SMG5: variants seen among roughly 807,000 people sequenced by gnomAD.
SMG5 encodes the protein SMG5 nonsense mediated mRNA decay factor.
In SMG5, 53 loss-of-function variants were observed where a neutral mutation model predicts 122.9. The observed-to-expected ratio is 0.43, with a 90% confidence interval of 0.35 to 0.54. The LOEUF (loss-of-function observed/expected upper bound fraction) is 0.54. Ranked by LOEUF, SMG5 falls within the 20% of genes least tolerant of loss-of-function variation. The pLI is 0.01. For missense variants in SMG5, 1,153 were observed against 1,285.6 expected (o/e 0.90, Z 1.58); for synonymous variants, 477 against 490.2 (o/e 0.97, Z 0.35).
chr1:156,251,482 A>G lies in SMG5; in HGVS notation c.2754-5T>C. On this transcript the variant is annotated splice_region_variant and splice_polypyrimidine_tract_variant and intron_variant, in intron 19 of 21. Coordinates refer to ENST00000361813, the MANE Select transcript of SMG5 (RefSeq NM_015327.3). The stretch of plus-strand genomic sequence containing the variant: ...TCTTTCTGGCAGCGAATGTACCTGC[A>G]GAGGAGATGTGCGAGTGGAGGTCAG... 1 of 1,613,932 alleles carries G rather than the reference A, an allele frequency of 6.2e-7. No homozygotes were observed. Among genetic ancestry groups the G allele is most frequent in the Non-Finnish European group, 8.5e-7 (1 of 1,180,002 alleles).
intron 18 of SMG5, 151 bp downstream of exon 18, chr1:156,252,768 C>T (rs1431166265): frequency 2.3e-5 from 20 of 857,430 alleles, no homozygotes; most frequent in Non-Finnish European, 2.6e-5. Context: ...GGATTATGTC[C>T]ATTTCACAGA....
At position 156,263,387 on chromosome 1, in the gene SMG5, T is replaced by C. The variant is rs758557275; in HGVS notation, c.2031+8A>G. The stretch of plus-strand genomic sequence containing the variant: ...ACCTGACAGGGGCAATGGAGTGGAC[T>C]GACACACCTGCGCACACACGATGAT... On this transcript the variant is annotated splice_region_variant and intron_variant, in intron 13 of 21. Transcript: ENST00000361813. 6.2e-7 allele frequency: 1 copy of C among 1,607,830 alleles called. No individual in the cohort carries two copies. Among genetic ancestry groups the C allele is most frequent in the Non-Finnish European group, 8.5e-7 (1 of 1,175,436 alleles).
At position 156,266,609 on chromosome 1, in the gene SMG5, T is replaced by C; in HGVS notation, c.1187A>G (p.Asn396Ser). 2 of 1,614,130 alleles carry C rather than the reference T, an allele frequency of 1.2e-6. No homozygotes were observed. Among genetic ancestry groups the C allele is most frequent in the Non-Finnish European group, 1.7e-6 (2 of 1,180,018 alleles). The change falls in exon 11 of 22, where the codon AAC becomes AGC. Residue 396 changes from asparagine (N) to serine (S), a missense_variant. Transcript: ENST00000361813. ...ALFSHLVNHV[N>S]IRLQAELEEG... ...TTCCAGCTCAGCCTGCAGCCGTATG[T>C]TGACATGATTGACGAGGTGGGAAAA...
chr1:156,266,704 G>A, intron 10 of SMG5, 26 bp from the exon 11 acceptor site: 1 of 1,613,790 alleles, frequency 6.2e-7, no homozygotes, highest in Non-Finnish European at 8.5e-7. Context: ...CCAGGCATTA[G>A]GGGCCTAGGG....
the SMG5 span, chr1:156,290,535 A>G: frequency 1.8e-4 from 3 of 16,750 alleles, no homozygotes; most frequent in African/African-American, 7.0e-4. Flanking sequence ...CCCATCTATA[A>G]TTTAAAAAAA....
chr1:156,254,032 T>C (rs2540168), intron 16 of SMG5, among the ~76,000 whole-genome samples: 33,637 of 152,120 alleles, frequency 0.22, 3,784 homozygotes, highest in East Asian at 0.28. Context: ...GCCTAGTAAA[T>C]AAACCAGTCT....
rs139293673 is a variant in SMG5 at position 156,249,862 on chromosome 1, C to G, written c.*725G>C. 93 of 471,254 alleles carry G rather than the reference C, an allele frequency of 2.0e-4. No individual in the cohort carries two copies. The highest frequency in any genetic ancestry group is 1.8e-3 in the African/African-American group (91 of 50,214). The allele number at this position is 471,254 out of a possible 1,614,324, so 29.2% of individuals were successfully genotyped here. A position where few individuals can be genotyped will look rare whatever the true frequency, so the allele number is the denominator to read the frequency against. ...GGAGACCGTGCTGGCACAGGCCAGA[C>G]TGCCTGCAGCCCTAGGTGGGGCCTG... On this transcript the variant is annotated 3_prime_UTR_variant, in exon 22 of 22. Coordinates refer to ENST00000361813, the MANE Select transcript of SMG5 (RefSeq NM_015327.3).
chr1:156,286,003 G>A (rs368779128), upstream of SMG5: 14 of 1,581,620 alleles, frequency 8.9e-6, no homozygotes, highest in African/African-American at 1.3e-4. Context: ...TGAGAAGAAA[G>A]GGGGCATCGG....
At chr1:156,289,551 G>T in the SMG5 span, among the ~76,000 whole-genome samples, 1 of 152,220 alleles carries the variant, frequency 6.6e-6, no homozygotes, top group Non-Finnish European at 1.5e-5. Context: ...GGCGGAGCTT[G>T]CAGTGAGCCG....
In SMG5 at chr1:156,265,877, A is replaced by G; in HGVS notation, c.1759T>C (p.Phe587Leu). ...GTGGGCTGGAGGAGCAGGTTGCTAA[A>G]GGTGGGGGCCAGTCGGAAGCAGCGC... Reference protein sequence around the residue: ...TKRCFRLAPTFSNLLLQPTTN... With the variant: ...TKRCFRLAPTLSNLLLQPTTN... Residue 587 changes from phenylalanine (F) to leucine (L), a missense_variant, in exon 12 of 22, where the codon TTT (phenylalanine) becomes CTT (leucine). Physicochemically the swap from Phe to Leu is conservative, Grantham distance 22 (BLOSUM62 0). Coordinates refer to ENST00000361813, the MANE Select transcript of SMG5 (RefSeq NM_015327.3). 6.2e-7 allele frequency: 1 copy of G among 1,614,110 alleles called. No individual in the cohort carries two copies. Among genetic ancestry groups the G allele is most frequent in the Non-Finnish European group, 8.5e-7 (1 of 1,180,012 alleles).
chr1:156,289,135 G>A, the SMG5 span, among the ~76,000 whole-genome samples: 10 of 152,318 alleles, frequency 6.6e-5, no homozygotes, highest in African/African-American at 1.9e-4. Flanking sequence ...AAATGAGGTC[G>A]TTATGAGGAT....
chr1:156,260,667 GA>G lies in SMG5; in HGVS notation c.2108-42del, dbSNP rs749759975. ...ACACATAAGACCATCTGTCCTGTGGGAACTCCCAGTCAGAGAGACATAACCC... is the reference window on the plus strand; with the variant it reads ...ACACATAAGACCATCTGTCCTGTGGGACTCCCAGTCAGAGAGACATAACCC... On this transcript the variant is annotated intron_variant, in intron 14 of 21. Transcript: ENST00000361813. 5.5e-6 allele frequency: 8 copies of G among 1,456,278 alleles called. No individual in the cohort carries two copies. The African/African-American group carries it at 1.2e-4, about 21-fold the overall frequency. The allele number at this position is 1,456,278 out of a possible 1,614,324, so 90.2% of individuals were successfully genotyped here. A position where few individuals can be genotyped will look rare whatever the true frequency, so the allele number is the denominator to read the frequency against.
rs376738735 is a variant in SMG5 at position 156,266,732 on chromosome 1, C to A, written c.1118-54G>T. 87 of 1,597,876 alleles carry A rather than the reference C, an allele frequency of 5.4e-5. 1 individual carries two copies. The highest frequency in any genetic ancestry group is 2.9e-4 in the East Asian group (13 of 44,662). ...GCCTAGGGCCCTGATGAGGAGTAGG[C>A]ACCATCAATTCCAACCACATCTCAT... On this transcript the variant is annotated intron_variant, in intron 10 of 21. Coordinates refer to ENST00000361813, the MANE Select transcript of SMG5 (RefSeq NM_015327.3).
rs147239123 is a variant in SMG5 at position 156,266,325 on chromosome 1, A to G, written c.1311T>C (p.Pro437=). The G allele has an allele frequency of 6.2e-7, 1 of 1,613,936 alleles. No homozygotes were observed. The highest frequency in any genetic ancestry group is 1.3e-5 in the African/African-American group (1 of 74,894). The change falls in exon 12 of 22, where the codon CCT becomes CCC. Residue 437 remains proline (P), a synonymous_variant. Coordinates refer to ENST00000361813, the MANE Select transcript of SMG5 (RefSeq NM_015327.3). ...VEKEEEPDPE[P]PPVTPQVGEG... is the part of the protein sequence containing the mutation. ...CACCCACTTGGGGTGTTACAGGAGG[A>G]GGCTCAGGATCTGGCTCCTCCTCTT...
At chr1:156,266,747 C>T in intron 10 of SMG5, 69 bp from the exon 11 acceptor site, 2 of 1,557,724 alleles carry the variant, frequency 1.3e-6, no homozygotes, top group Admixed American at 3.6e-5. Flanking sequence ...TCAATTCCAA[C>T]CACATCTCAT....
At position 156,267,604 on chromosome 1, in the gene SMG5, G is replaced by C; in HGVS notation, c.983C>G (p.Pro328Arg). The change falls in exon 10 of 22, where the codon CCC (proline) becomes CGC (arginine). Residue 328 changes from proline to arginine, a missense_variant. This residue lies in a region of SMG5 where 631 missense variants were observed against 650.6 expected (regional missense o/e 0.97). Coordinates refer to ENST00000361813, the MANE Select transcript of SMG5 (RefSeq NM_015327.3). The stretch of plus-strand genomic sequence containing the variant: ...GGCCAGGCTGAGGTTGGGTGAGGAG[G>C]GCAGGTAGAAGAGGCAGAGGTTGAA... ...EDFNLCLFYL[P>R]SSPNLSLASE... 1 of 1,613,890 alleles carries C rather than the reference G, an allele frequency of 6.2e-7. No homozygotes were observed. The highest frequency in any genetic ancestry group is 8.5e-7 in the Non-Finnish European group (1 of 1,179,958).
intron 16 of SMG5, among the ~76,000 whole-genome samples, chr1:156,254,935 A>C (rs7542993): frequency 0.49 from 72,867 of 150,178 alleles, 17,846 homozygotes; most frequent in Admixed American, 0.59. Flanking sequence ...ACTAAAAATA[A>C]AAAAATTAGC....
At chr1:156,271,804 G>A (rs1662448943) in intron 7 of SMG5, among the ~76,000 whole-genome samples, 1 of 152,012 alleles carries the variant, frequency 6.6e-6, no homozygotes, top group Non-Finnish European at 1.5e-5. Context: ...TGTTGGCCAG[G>A]CTGGTCCTGA....
At chr1:156,287,606 C>CT (rs745468403), upstream of SMG5, among the ~76,000 whole-genome samples, 1,031 of 72,556 alleles carry the variant, frequency 0.014, 9 homozygotes, top group East Asian at 0.034. Context: ...TTACTCTCCA[C>CT]TTTTTTTTTT....
Sources: allele counts gnomAD v4.1 joint callset (sites outside exome capture counted in the v4.1 genomes callset), GRCh38; gene constraint gnomAD v4.1.1; regional missense constraint gnomAD v4.1.1; transcripts MANE v1.5; gene names NCBI Gene and HGNC (gene_info 2026-07-23, HGNC 2026-07-21).